The following DISC1 variants were observed in gnomAD, a reference collection of about 807,000 sequenced individuals.
DISC1 encodes disrupted in schizophrenia 1 protein.
A neutral mutation model predicts 84.5 loss-of-function variants in DISC1; 57 were observed. That is an observed-to-expected ratio of 0.67 (90% CI 0.55 to 0.84). The LOEUF is 0.84. Among genes scored for constraint, DISC1 ranks in the 40% least tolerant of loss-of-function variants. DISC1 has a pLI of 0.00. For synonymous variants in DISC1, 411 were observed against 415.2 expected (o/e 0.99, Z 0.12); for missense variants, 1,000 against 1,057.8 (o/e 0.95, Z 0.76).
intron 2 of DISC1, among the ~76,000 whole-genome samples, chr1:231,697,920 T>G (rs1426358301): frequency 6.6e-6 from 1 of 152,190 alleles, no homozygotes. Context: ...ATTTTTGTGC[T>G]CTTTATTGGT....
At chr1:231,768,637 A>G (rs1376129364) in intron 5 of DISC1, among the ~76,000 whole-genome samples, 4 of 152,192 alleles carry the variant, frequency 2.6e-5, no homozygotes. Context: ...CATTTATTCA[A>G]CAGACATTTA....
intron 1 of DISC1, among the ~76,000 whole-genome samples, chr1:231,644,469 A>G (rs1225671918): frequency 6.6e-6 from 1 of 152,208 alleles, no homozygotes; most frequent in Non-Finnish European, 1.5e-5. Flanking sequence ...TAAGACGGAG[A>G]GAAAAACTTC....
chr1:231,861,277 G>T lies in DISC1; in HGVS notation c.1981+42760G>T, dbSNP rs574830482. 1.2e-4 allele frequency among the ~76,000 whole-genome samples: 18 copies of T among 150,602 alleles called. No individual in the cohort carries two copies. In the South Asian group the frequency reaches 1.9e-3, roughly 16 times the overall value. ...CATTTTGAGGTTAAAAGCCTTTTCT[G>T]TCATTGTTTTTATTATTTATTTATT... is the stretch of plus-strand genomic sequence containing the variant. On this transcript the variant is annotated intron_variant, in intron 9 of 12. Transcript: ENST00000439617.
chr1:231,910,706 C>T (rs2089129676), intron 9 of DISC1, among the ~76,000 whole-genome samples: 1 of 152,118 alleles, frequency 6.6e-6, no homozygotes, highest in Admixed American at 6.6e-5. Context: ...TGGTGTGGAG[C>T]TGAGTTTAAG....
chr1:231,926,924 C>T lies in DISC1; in HGVS notation c.1982-31904C>T, dbSNP rs1014450310. Among the ~76,000 whole-genome samples, 6 of 152,260 alleles carry T rather than the reference C, an allele frequency of 3.9e-5. No individual in the cohort carries two copies. In the East Asian group the frequency reaches 5.8e-4, roughly 15 times the overall value. ...AGGGGAGGAAGCATTGTCTTCATCA[C>T]TTCATGTATTTTTCTCAGAAGGCTA... On this transcript the variant is annotated intron_variant, in intron 9 of 12. Coordinates refer to ENST00000439617, the MANE Select transcript of DISC1 (RefSeq NM_018662.3).
intron 1 of DISC1, among the ~76,000 whole-genome samples, chr1:231,673,206 G>A (rs962648146): frequency 1.3e-5 from 2 of 152,216 alleles, no homozygotes; most frequent in Admixed American, 6.5e-5. Context: ...CGCAGTTTTA[G>A]TGCTTTATTA....
intron 10 of DISC1, among the ~76,000 whole-genome samples, chr1:231,981,542 G>A (rs1423457498): frequency 6.6e-6 from 1 of 152,188 alleles, no homozygotes; most frequent in Non-Finnish European, 1.5e-5. Flanking sequence ...TCTACTTGAA[G>A]CCACAGAGAA....
chr1:231,979,272 A>T (rs1045834509), intron 10 of DISC1, among the ~76,000 whole-genome samples: 1 of 151,970 alleles, frequency 6.6e-6, no homozygotes, highest in African/African-American at 2.4e-5. Context: ...TAATAGAAAT[A>T]AAATGCACAA....
intron 1 of DISC1, among the ~76,000 whole-genome samples, chr1:231,649,741 C>T (rs1346627340): frequency 6.6e-6 from 1 of 152,126 alleles, no homozygotes; most frequent in Non-Finnish European, 1.5e-5. Context: ...CTGGGTGCTC[C>T]TGTGTTGGGT....
chr1:231,989,630 C>T (rs1664921666), intron 10 of DISC1, among the ~76,000 whole-genome samples: 2 of 152,114 alleles, frequency 1.3e-5, no homozygotes, highest in South Asian at 4.1e-4. Context: ...GCAGACATTG[C>T]CTGAGATAAG....
At chr1:231,957,551 T>G (rs970275951) in intron 9 of DISC1, among the ~76,000 whole-genome samples, 2 of 152,170 alleles carry the variant, frequency 1.3e-5, no homozygotes, top group African/African-American at 4.8e-5. Context: ...CACATAAATA[T>G]GTATGGGATG....
At position 232,002,274 on chromosome 1, in the gene DISC1, A is replaced by G. The variant is rs536959646; in HGVS notation, c.2043-6511A>G. Reference sequence around the variant, plus strand: ...AAACAAGATCACTCATGCATTTTTGATAAGAATGCAAATGGTTGGCCACTC... The same window carrying G: ...AAACAAGATCACTCATGCATTTTTGGTAAGAATGCAAATGGTTGGCCACTC... On this transcript the variant is annotated intron_variant, in intron 10 of 12. Transcript: ENST00000439617. Among the ~76,000 whole-genome samples the G allele has an allele frequency of 1.1e-4, 17 of 152,322 alleles. No homozygotes were observed. In the South Asian group the frequency reaches 3.3e-3, roughly 30 times the overall value.
chr1:231,710,381 T>G (rs2067663823), intron 3 of DISC1, among the ~76,000 whole-genome samples: 3 of 151,940 alleles, frequency 2.0e-5, no homozygotes, highest in Admixed American at 1.3e-4. Flanking sequence ...AACAACTCAA[T>G]AGAAATGAAA....
chr1:231,916,461 C>T (rs1272708302), intron 9 of DISC1, among the ~76,000 whole-genome samples: 3 of 151,508 alleles, frequency 2.0e-5, no homozygotes, highest in Non-Finnish European at 2.9e-5. Context: ...GAGACCATCC[C>T]GGCTAAAGCG....
intron 9 of DISC1, among the ~76,000 whole-genome samples, chr1:231,934,220 G>A (rs893170377): frequency 4.5e-4 from 68 of 152,288 alleles, no homozygotes; most frequent in African/African-American, 1.5e-3. Context: ...CTTCAGGGTC[G>A]CCATCTCTGT....
At chr1:231,764,508 T>C (rs2076014994) in intron 4 of DISC1, among the ~76,000 whole-genome samples, 1 of 152,238 alleles carries the variant, frequency 6.6e-6, no homozygotes, top group Non-Finnish European at 1.5e-5. Flanking sequence ...ATGGTTCATT[T>C]CATACTTTTT....
chr1:231,720,926 T>A, intron 3 of DISC1: 1 of 1,290,970 alleles, frequency 7.7e-7, no homozygotes, highest in South Asian at 1.2e-5. Context: ...TAACCACAGG[T>A]AATTTACTTT....
At chr1:231,733,564 G>T (rs1198561607) in intron 3 of DISC1, among the ~76,000 whole-genome samples, 1 of 146,790 alleles carries the variant, frequency 6.8e-6, no homozygotes, top group African/African-American at 2.5e-5. Flanking sequence ...AGTGGCTGTG[G>T]CAGTGCTGGT....
chr1:231,626,855 G>A lies in DISC1; in HGVS notation c.-13G>A, dbSNP rs778668737. Reference sequence around the variant, plus strand: ...CAGCCCAGGCGGAGCGGGAGGAGCTGGCAGCGGGGCGCATGCCAGGCGGGG... The same window carrying A: ...CAGCCCAGGCGGAGCGGGAGGAGCTAGCAGCGGGGCGCATGCCAGGCGGGG... On this transcript the variant is annotated 5_prime_UTR_variant, in exon 1 of 13. Coordinates refer to ENST00000439617, the MANE Select transcript of DISC1 (RefSeq NM_018662.3). 23 of 1,445,834 alleles carry A rather than the reference G, an allele frequency of 1.6e-5. No homozygotes were observed. In the African/African-American group the frequency reaches 2.3e-4, roughly 14 times the overall value. 89.6% of individuals were successfully genotyped at this position (1,445,834 alleles called of 1,614,324 possible).
Sources: allele counts gnomAD v4.1 joint callset (sites outside exome capture counted in the v4.1 genomes callset), GRCh38; gene constraint gnomAD v4.1.1; transcripts MANE v1.5; gene names NCBI Gene and HGNC (gene_info 2026-07-23, HGNC 2026-07-21).